Variants in NBPF3 observed in about 807,000 individuals in gnomAD.
NBPF3 encodes NBPF family member NBPF3.
Under a neutral mutation model 78.1 loss-of-function variants are expected in NBPF3, and 57 were observed. The ratio of observed to expected loss-of-function variants is 0.73; its 90% CI spans 0.59 to 0.91. The LOEUF (loss-of-function observed/expected upper bound fraction) is 0.91, where lower values mean the gene tolerates loss of function less well. Ranked by LOEUF, NBPF3 falls within the 40% of genes least tolerant of loss-of-function variation. NBPF3 has a pLI of 0.00. For synonymous variants in NBPF3, 182 were observed against 271.7 expected, an observed-to-expected ratio of 0.67 and a Z score of 3.25; for missense variants, 510 against 715.3, an observed-to-expected ratio of 0.71 and a Z score of 3.27.
chr1:21,480,590 G>A (rs1643161930), intron 11 of NBPF3, among the ~76,000 whole-genome samples: 2 of 152,310 alleles, frequency 1.3e-5, no homozygotes, highest in Admixed American at 1.3e-4. Flanking sequence ...GGCATTTGAT[G>A]AGACAGGGCT....
At chr1:21,438,018 C>T (rs1463475836), upstream of NBPF3, among the ~76,000 whole-genome samples, 1 of 152,024 alleles carries the variant, frequency 6.6e-6, no homozygotes, top group African/African-American at 2.4e-5. Context: ...TGGGGTTTCT[C>T]CATGTTGGTC....
At chr1:21,466,732 A>C (rs1252318310) in intron 2 of NBPF3, among the ~76,000 whole-genome samples, 1 of 150,470 alleles carries the variant, frequency 6.6e-6, no homozygotes, top group Non-Finnish European at 1.5e-5. Context: ...GCATCACAAA[A>C]ACCAAAAAAA....
At position 21,477,974 on chromosome 1, in the gene NBPF3, T is replaced by C. The variant is rs1642972687; in HGVS notation, c.993-170T>C. 3 of 1,450,018 alleles carry C rather than the reference T, an allele frequency of 2.1e-6. No individual in the cohort carries two copies. The Admixed American group carries it at 5.9e-5, about 29-fold the overall frequency. 89.8% of individuals were successfully genotyped at this position (1,450,018 alleles called of 1,614,324 possible). On this transcript the variant is annotated intron_variant, in intron 8 of 14. Transcript: ENST00000318249. ...CATTTTTGTTCGGTCCTCAGAGCAG[T>C]CACCCTCCAGCCTGCATTTAGAAGG...
At chr1:21,456,430 A>G (rs1641606186) in intron 2 of NBPF3, among the ~76,000 whole-genome samples, 1 of 152,220 alleles carries the variant, frequency 6.6e-6, no homozygotes, top group Non-Finnish European at 1.5e-5. Flanking sequence ...CTTTAATTAT[A>G]TACTTTAATG....
intron 2 of NBPF3, chr1:21,468,443 C>A: frequency 7.2e-7 from 1 of 1,393,484 alleles, no homozygotes; most frequent in Non-Finnish European, 9.3e-7. Flanking sequence ...AACTGCAGAC[C>A]GTTACCTGGC....
upstream of NBPF3, among the ~76,000 whole-genome samples, chr1:21,438,513 G>A (rs531685222): frequency 1.3e-5 from 2 of 152,314 alleles, no homozygotes; most frequent in African/African-American, 4.8e-5. Context: ...TTCTTTTGAG[G>A]ATCAAATAAG....
intron 1 of NBPF3, among the ~76,000 whole-genome samples, chr1:21,441,132 C>A (rs561731745): frequency 6.6e-6 from 1 of 152,280 alleles, no homozygotes; most frequent in Admixed American, 6.5e-5. Context: ...GCAGTGGTAC[C>A]TTTTCTTTGG....
At chr1:21,472,206 C>T in intron 5 of NBPF3, among the ~76,000 whole-genome samples, 1 of 152,200 alleles carries the variant, frequency 6.6e-6, no homozygotes, top group East Asian at 1.9e-4. Flanking sequence ...TCTCCATCTG[C>T]AAAGGCAGGC....
At chr1:21,481,462 A>G in intron 12 of NBPF3, 135 bp from the exon 13 acceptor site, 2 of 1,155,458 alleles carry the variant, frequency 1.7e-6, no homozygotes, top group South Asian at 3.2e-5. Context: ...ACTGAGGGCA[A>G]TAATTTGTTA....
intron 2 of NBPF3, among the ~76,000 whole-genome samples, chr1:21,448,927 C>G (rs543540004): frequency 6.6e-6 from 1 of 152,328 alleles, no homozygotes; most frequent in African/African-American, 2.4e-5. Flanking sequence ...GACTGCCTAG[C>G]TCTTTCCATG....
intron 14 of NBPF3, 78 bp from the exon 15 acceptor site, chr1:21,483,065 T>C (rs991481342): frequency 6.3e-7 from 1 of 1,598,016 alleles, no homozygotes. Flanking sequence ...CTTCCTTATG[T>C]TACCCCTGAA....
chr1:21,447,095 C>G (rs1641032183), intron 2 of NBPF3, among the ~76,000 whole-genome samples: 1 of 152,200 alleles, frequency 6.6e-6, no homozygotes, highest in African/African-American at 2.4e-5. Context: ...CTAATTAAAA[C>G]AAATTAATAG....
chr1:21,437,463 C>CTTG, upstream of NBPF3: 1 of 1,442,590 alleles, frequency 6.9e-7, no homozygotes, highest in Non-Finnish European at 9.3e-7. Flanking sequence ...ACCGAGGGCA[C>CTTG]CATGCAGGTC....
intron 4 of NBPF3, 58 bp downstream of exon 4, chr1:21,470,792 G>A: frequency 1.7e-6 from 2 of 1,165,774 alleles, no homozygotes; most frequent in Non-Finnish European, 2.5e-6. Flanking sequence ...CTGAAGTACA[G>A]CAGCTCGGCA....
intron 2 of NBPF3, among the ~76,000 whole-genome samples, chr1:21,457,806 C>G (rs4385671): frequency 0.66 from 99,946 of 152,046 alleles, 34,457 homozygotes; most frequent in South Asian, 0.87. Flanking sequence ...ATGTGTATTT[C>G]CAGACCAGAC....
upstream of NBPF3, chr1:21,437,367 A>G: frequency 1.6e-6 from 1 of 633,664 alleles, no homozygotes; most frequent in Non-Finnish European, 2.5e-6. Flanking sequence ...GTGAGGGCTC[A>G]GAGGGTGGTG....
chr1:21,457,731 A>T (rs1480789977), intron 2 of NBPF3, among the ~76,000 whole-genome samples: 2 of 152,236 alleles, frequency 1.3e-5, no homozygotes, highest in Non-Finnish European at 2.9e-5. Context: ...GGTTAAACAT[A>T]TGCAAATCAG....
At chr1:21,453,782 C>T (rs1232909046) in intron 2 of NBPF3, 1 of 152,184 alleles carries the variant, frequency 6.6e-6, no homozygotes, top group African/African-American at 2.4e-5. Context: ...GAATTTATGA[C>T]CTGGCATCCG....
chr1:21,471,591 T>G lies in NBPF3; in HGVS notation c.469T>G (p.Ser157Ala). The G allele has an allele frequency of 6.2e-7, 1 of 1,612,110 alleles. No homozygotes were observed. The highest frequency in any genetic ancestry group is 8.5e-7 in the Non-Finnish European group (1 of 1,179,774). ...ELRQYKVLVH[S>A]QERELTQLRE... ...TAGGCAATATAAAGTCCTGGTTCACTCTCAGGAACGAGAGCTGACCCAGTT... is the reference window on the plus strand; with the variant it reads ...TAGGCAATATAAAGTCCTGGTTCACGCTCAGGAACGAGAGCTGACCCAGTT... The change falls in exon 5 of 15, where the codon TCT becomes GCT. Residue 157 changes from serine (S) to alanine (A), a missense_variant. By Grantham distance (99) the Ser-to-Ala change is moderately conservative. Around this residue, in one of 5 missense-constraint regions of NBPF3, gnomAD observed 440 missense variants for 478.2 expected, o/e 0.92. Transcript: ENST00000318249.
Sources: allele counts gnomAD v4.1 joint callset (sites outside exome capture counted in the v4.1 genomes callset), GRCh38; gene constraint gnomAD v4.1.1; regional missense constraint gnomAD v4.1.1; transcripts MANE v1.5; gene names NCBI Gene and HGNC (gene_info 2026-07-23, HGNC 2026-07-21).